The following GRIP1 variants were observed in gnomAD, a reference collection of about 807,000 sequenced individuals.
The protein encoded by GRIP1 is glutamate receptor-interacting protein 1.
A neutral mutation model predicts 129.9 loss-of-function variants in GRIP1; 45 were observed. That is an observed-to-expected ratio of 0.35 (90% CI 0.27 to 0.44). The LOEUF (loss-of-function observed/expected upper bound fraction) is 0.44, where lower values mean the gene tolerates loss of function less well. GRIP1 is among the 20% of genes least tolerant of loss of function. The pLI is 1.00. For missense variants in GRIP1, 1,196 were observed against 1,396.8 expected, an observed-to-expected ratio of 0.86 and a Z score of 2.29; for synonymous variants, 530 against 520.8, an observed-to-expected ratio of 1.02 and a Z score of -0.24.
chr12:66,477,094 G>C (rs529970600), intron 7 of GRIP1, among the ~76,000 whole-genome samples: 5 of 152,258 alleles, frequency 3.3e-5, no homozygotes, highest in African/African-American at 7.2e-5. Flanking sequence ...AATTGTCCCT[G>C]TTTGCAGATG....
intron 1 of GRIP1, among the ~76,000 whole-genome samples, chr12:66,948,569 G>T (rs939648510): frequency 6.6e-6 from 1 of 152,118 alleles, no homozygotes; most frequent in Non-Finnish European, 1.5e-5. Context: ...AGTCCAAGGA[G>T]GGGAGACAGA....
chr12:66,445,178 CA>C, intron 12 of GRIP1, 143 bp downstream of exon 12: 2 of 758,546 alleles, frequency 2.6e-6, no homozygotes, highest in Non-Finnish European at 2.2e-6. Flanking sequence ...TGATCAAGAA[CA>C]TAAAATTTTA....
At chr12:66,752,323 G>A (rs1855136271) in intron 1 of GRIP1, among the ~76,000 whole-genome samples, 1 of 152,138 alleles carries the variant, frequency 6.6e-6, no homozygotes, top group Non-Finnish European at 1.5e-5. Context: ...TTAACCTTCT[G>A]TTTTCAAAGA....
intron 1 of GRIP1, among the ~76,000 whole-genome samples, chr12:66,813,495 C>T (rs2039143649): frequency 6.6e-6 from 1 of 152,052 alleles, no homozygotes; most frequent in Non-Finnish European, 1.5e-5. Context: ...AAGTAATTTC[C>T]AATGGTGAGA....
intron 19 of GRIP1, among the ~76,000 whole-genome samples, chr12:66,386,413 C>T (rs576999251): frequency 6.6e-6 from 1 of 152,004 alleles, no homozygotes. Flanking sequence ...GCAGGTGGAT[C>T]GCGAGGTCAG....
rs374014337 is a variant in GRIP1, at chr12:66,858,205, TAA to T, written c.58+210843_58+210844del. The stretch of plus-strand genomic sequence containing the variant: ...TATGGTTAGGAGATTACTGTATATA[TAA>T]GAGATCATTTTTCTAATTTTCCAAA... On this transcript the variant is annotated intron_variant, in intron 1 of 1. Coordinates refer to the GRIP1 transcript ENST00000643019. 8.6e-5 allele frequency among the ~76,000 whole-genome samples: 13 copies of T among 151,974 alleles called. 1 individual carries two copies. Among genetic ancestry groups the T allele is most frequent in the African/African-American group, 2.2e-4 (9 of 41,412 alleles).
At chr12:66,418,425 A>G (rs1329822216) in intron 15 of GRIP1, among the ~76,000 whole-genome samples, 1 of 152,204 alleles carries the variant, frequency 6.6e-6, no homozygotes, top group African/African-American at 2.4e-5. Flanking sequence ...CAACCTAAGC[A>G]AAATGGACAA....
chr12:66,670,390 G>A (rs1162506904), intron 1 of GRIP1, among the ~76,000 whole-genome samples: 1 of 152,140 alleles, frequency 6.6e-6, no homozygotes, highest in East Asian at 1.9e-4. Flanking sequence ...ATGCTGATGT[G>A]GACTGCCAAG....
chr12:66,976,957 T>C (rs144847453), intron 1 of GRIP1, among the ~76,000 whole-genome samples: 74 of 152,240 alleles, frequency 4.9e-4, no homozygotes, highest in Admixed American at 4.0e-3. Context: ...AATGAGAAAT[T>C]TGAGAAACGA....
At chr12:66,449,556 T>C (rs2058719783) in intron 11 of GRIP1, among the ~76,000 whole-genome samples, 1 of 152,214 alleles carries the variant, frequency 6.6e-6, no homozygotes, top group Non-Finnish European at 1.5e-5. Flanking sequence ...CTACGCTTCT[T>C]ACAGGTGGAA....
At chr12:66,945,723 C>A (rs1393647295) in intron 1 of GRIP1, among the ~76,000 whole-genome samples, 1 of 152,190 alleles carries the variant, frequency 6.6e-6, no homozygotes, top group Non-Finnish European at 1.5e-5. Context: ...CATTTCAACA[C>A]GAGATTTGGG....
At chr12:66,819,032 T>G (rs1324124624) in intron 1 of GRIP1, among the ~76,000 whole-genome samples, 1 of 152,214 alleles carries the variant, frequency 6.6e-6, no homozygotes, top group Admixed American at 6.5e-5. Context: ...TTTACATGTA[T>G]TTAGTTTAGT....
At chr12:67,003,884 A>T (rs2042588414) in intron 1 of GRIP1, among the ~76,000 whole-genome samples, 1 of 152,090 alleles carries the variant, frequency 6.6e-6, no homozygotes, top group South Asian at 2.1e-4. Context: ...TTATTCTCTC[A>T]CAGTTTTGGA....
At chr12:66,579,245 C>G (rs1330900176) in intron 2 of GRIP1, among the ~76,000 whole-genome samples, 1 of 152,076 alleles carries the variant, frequency 6.6e-6, no homozygotes. Context: ...ACATCCACAC[C>G]AAAAACCCAT....
At chr12:66,543,226 G>A (rs931130571) in intron 2 of GRIP1, among the ~76,000 whole-genome samples, 6 of 152,106 alleles carry the variant, frequency 3.9e-5, no homozygotes, top group African/African-American at 1.4e-4. Flanking sequence ...CTTCAAGGCA[G>A]GGCTTTTGAG....
intron 15 of GRIP1, among the ~76,000 whole-genome samples, chr12:66,410,249 CAA>C (rs1177155122): frequency 5.9e-4 from 28 of 47,432 alleles, no homozygotes; most frequent in South Asian, 1.3e-3. Flanking sequence ...GACTCCGTCT[CAA>C]AAAAAAAAAA....
intron 1 of GRIP1, among the ~76,000 whole-genome samples, chr12:66,982,313 T>G (rs1052630780): frequency 2.0e-5 from 3 of 152,170 alleles, no homozygotes; most frequent in Non-Finnish European, 4.4e-5. Context: ...CCTAGACTCC[T>G]GTGGTAGGCA....
chr12:66,395,050 T>C (rs888250457), intron 16 of GRIP1, among the ~76,000 whole-genome samples: 2 of 152,226 alleles, frequency 1.3e-5, no homozygotes, highest in African/African-American at 4.8e-5. Flanking sequence ...TTCAACAGCA[T>C]AGACCAGCCT....
At chr12:66,967,902 T>C (rs902257494) in intron 1 of GRIP1, among the ~76,000 whole-genome samples, 3 of 152,182 alleles carry the variant, frequency 2.0e-5, no homozygotes, top group African/African-American at 7.2e-5. Context: ...CTTGAAAATG[T>C]GGATTCTGCT....
Sources: gnomAD v4.1 joint callset for allele counts (sites outside exome capture counted in the v4.1 genomes callset) on GRCh38, gnomAD v4.1.1 for gene constraint, MANE v1.5 for transcripts, NCBI Gene and HGNC (gene_info 2026-07-23, HGNC 2026-07-21) for gene names.